RBFOX1: variants seen among roughly 807,000 people sequenced by gnomAD.
RBFOX1 encodes RNA binding protein fox-1 homolog 1.
A neutral mutation model predicts 57.7 loss-of-function variants in RBFOX1; 8 were observed. The ratio of observed to expected loss-of-function variants is 0.14; its 90% CI spans 0.08 to 0.25. The LOEUF is 0.25. Among genes scored for constraint, RBFOX1 ranks in the 10% least tolerant of loss-of-function variants. The probability of loss-of-function intolerance (pLI) is 1.00; values close to 1 mark genes in which losing one functional copy is unlikely to be tolerated. For synonymous variants in RBFOX1, 326 were observed against 222.4 expected (o/e 1.47, Z -4.15); for missense variants, 611 against 548.5 (o/e 1.11, Z -1.14).
At chr16:7,225,840 A>G (rs957055066) in intron 4 of RBFOX1, among the ~76,000 whole-genome samples, 5 of 149,122 alleles carry the variant, frequency 3.4e-5, no homozygotes, top group African/African-American at 1.0e-4. Context: ...CCAACATGGC[A>G]TATGTATACA....
chr16:7,511,110 C>T (rs747613920), intron 4 of RBFOX1, among the ~76,000 whole-genome samples: 18 of 152,182 alleles, frequency 1.2e-4, no homozygotes, highest in South Asian at 2.1e-4. Flanking sequence ...TCCACCTGGA[C>T]GGCTACGAAA....
chr16:7,398,208 C>T (rs952294702), intron 4 of RBFOX1, among the ~76,000 whole-genome samples: 12 of 152,206 alleles, frequency 7.9e-5, no homozygotes, highest in Admixed American at 2.0e-4. Context: ...ATGCTTAAAG[C>T]ATCAGTATCA....
chr16:7,354,848 T>C (rs1257794311), intron 4 of RBFOX1, among the ~76,000 whole-genome samples: 1 of 152,204 alleles, frequency 6.6e-6, no homozygotes, highest in African/African-American at 2.4e-5. Context: ...ATATAGGACA[T>C]TCATTTTATT....
chr16:7,295,789 C>T (rs62014007), intron 4 of RBFOX1, among the ~76,000 whole-genome samples: 2 of 152,080 alleles, frequency 1.3e-5, no homozygotes, highest in Non-Finnish European at 2.9e-5. Context: ...TGGCCTTGAA[C>T]GAGCAGGGCT....
rs575566948 is a variant in RBFOX1, at chr16:6,956,403, C to T, written c.-15-95654C>T. ...TGGACTCAAGGGGAATGAGCAGGCT[C>T]CGCTGTCTTCCAGTGAATACTTGAA... On this transcript the variant is annotated intron_variant, in intron 3 of 15. Transcript: ENST00000550418. 9.8e-5 allele frequency among the ~76,000 whole-genome samples: 15 copies of T among 152,294 alleles called. No homozygotes were observed. The South Asian group carries it at 2.7e-3, about 27-fold the overall frequency.
intron 1 of RBFOX1, among the ~76,000 whole-genome samples, chr16:6,113,072 T>A (rs2096463016): frequency 6.6e-6 from 1 of 152,168 alleles, no homozygotes; most frequent in South Asian, 2.1e-4. Context: ...CTTTGCTTAC[T>A]CCTGAGTCTG....
chr16:6,107,971 T>G (rs1236550444), intron 1 of RBFOX1, among the ~76,000 whole-genome samples: 7 of 152,096 alleles, frequency 4.6e-5, no homozygotes, highest in Non-Finnish European at 8.8e-5. Flanking sequence ...TTAAGATTAG[T>G]CTTGAAAAAA....
intron 2 of RBFOX1, among the ~76,000 whole-genome samples, chr16:6,470,700 C>G (rs1467899790): frequency 6.6e-6 from 1 of 152,138 alleles, no homozygotes. Context: ...TGCCCCTGAA[C>G]CTGGTCATCG....
chr16:6,379,683 A>T (rs1166685077), intron 2 of RBFOX1, among the ~76,000 whole-genome samples: 1 of 112,290 alleles, frequency 8.9e-6, no homozygotes, highest in Non-Finnish European at 2.1e-5. Context: ...TTAGCTACCA[A>T]AAAAAAAAAA....
intron 3 of RBFOX1, among the ~76,000 whole-genome samples, chr16:5,682,194 G>A (rs1303835983): frequency 6.6e-6 from 1 of 152,208 alleles, no homozygotes; most frequent in Non-Finnish European, 1.5e-5. Context: ...CTTTGTTACA[G>A]TTTGCTCCAA....
chr16:7,025,502 C>G (rs1437415087), intron 3 of RBFOX1, among the ~76,000 whole-genome samples: 1 of 152,126 alleles, frequency 6.6e-6, no homozygotes, highest in Non-Finnish European at 1.5e-5. Flanking sequence ...GTACCCAGCC[C>G]CTATGGAAGA....
intron 1 of RBFOX1, among the ~76,000 whole-genome samples, chr16:5,404,975 C>T (rs1391560232): frequency 6.6e-6 from 1 of 152,208 alleles, no homozygotes; most frequent in Non-Finnish European, 1.5e-5. Context: ...TTCTCTAGAG[C>T]TTTCTACATG....
intron 3 of RBFOX1, among the ~76,000 whole-genome samples, chr16:6,952,045 G>A (rs1394116981): frequency 6.6e-6 from 1 of 152,160 alleles, no homozygotes; most frequent in African/African-American, 2.4e-5. Flanking sequence ...GAAAAAAGTG[G>A]TTTCTCATAC....
At chr16:7,469,997 A>C (rs2061270448) in intron 4 of RBFOX1, among the ~76,000 whole-genome samples, 1 of 150,678 alleles carries the variant, frequency 6.6e-6, no homozygotes, top group Non-Finnish European at 1.5e-5. Flanking sequence ...GATGTGTTCA[A>C]GGTGCTACAG....
chr16:5,702,147 G>A lies in RBFOX1; in HGVS notation c.318+103186G>A, dbSNP rs149257501. Among the ~76,000 whole-genome samples the A allele has an allele frequency of 8.8e-3, 1,341 of 152,240 alleles. 28 individuals carry two copies. Among genetic ancestry groups the A allele is most frequent in the African/African-American group, 0.031 (1,280 of 41,520 alleles). ...CTGCTGTAAAGAACTACCTGAGACT[G>A]GGTAATTTATGAAGAAAAGAGGTTT... On this transcript the variant is annotated intron_variant, in intron 3 of 19. Transcript: ENST00000641259.
chr16:6,329,044 C>T (rs147847486), intron 2 of RBFOX1, among the ~76,000 whole-genome samples: 217 of 152,226 alleles, frequency 1.4e-3, no homozygotes, highest in African/African-American at 2.8e-3. Flanking sequence ...CCAATCCCCC[C>T]GACTCTGTGT....
intron 2 of RBFOX1, among the ~76,000 whole-genome samples, chr16:5,508,017 C>T (rs1403898161): frequency 6.6e-6 from 1 of 152,136 alleles, no homozygotes; most frequent in Non-Finnish European, 1.5e-5. Context: ...AGCAAGGTGT[C>T]CCATCAGGAG....
intron 3 of RBFOX1, among the ~76,000 whole-genome samples, chr16:5,639,360 AT>A (rs1567332348): frequency 1.3e-5 from 2 of 152,140 alleles, no homozygotes; most frequent in African/African-American, 2.4e-5. Context: ...CCACAGTTGT[AT>A]TTTATTTTGC....
At chr16:5,822,862 G>T (rs780369333) in intron 3 of RBFOX1, among the ~76,000 whole-genome samples, 3 of 152,186 alleles carry the variant, frequency 2.0e-5, no homozygotes, top group Non-Finnish European at 2.9e-5. Flanking sequence ...CCTTGAGTGT[G>T]TTGCTTAAAA....
Sources: gnomAD v4.1 joint callset for allele counts (sites outside exome capture counted in the v4.1 genomes callset) on GRCh38, gnomAD v4.1.1 for gene constraint, MANE v1.5 for transcripts, NCBI Gene and HGNC (gene_info 2026-07-23, HGNC 2026-07-21) for gene names.